THSD7B: variants seen among roughly 807,000 people sequenced by gnomAD.
The protein encoded by THSD7B is thrombospondin type-1 domain-containing protein 7B.
Under a neutral mutation model 213.6 loss-of-function variants are expected in THSD7B, and 138 were observed. The ratio of observed to expected loss-of-function variants is 0.65; its 90% CI spans 0.56 to 0.74. The LOEUF (loss-of-function observed/expected upper bound fraction) is 0.74. Ranked by LOEUF, THSD7B falls within the 30% of genes least tolerant of loss-of-function variation. The probability of loss-of-function intolerance (pLI) is 0.00; values close to 1 mark genes in which losing one functional copy is unlikely to be tolerated. For missense variants in THSD7B, 1,931 were observed against 1,991.5 expected (o/e 0.97, Z 0.58); for synonymous variants, 742 against 687.0 (o/e 1.08, Z -1.25).
At chr2:136,890,347 T>C (rs1219471592) in intron 2 of THSD7B, among the ~76,000 whole-genome samples, 2 of 4,410 alleles carry the variant, frequency 4.5e-4, no homozygotes, top group South Asian at 0.014. Flanking sequence ...CTTCTTCTTC[T>C]TCTTCTTCTT....
chr2:137,391,514 C>T (rs1686026052), intron 12 of THSD7B, among the ~76,000 whole-genome samples: 1 of 151,926 alleles, frequency 6.6e-6, no homozygotes, highest in Non-Finnish European at 1.5e-5. Flanking sequence ...ATAGTGAAGC[C>T]CTCTCTCTAC....
intron 15 of THSD7B, among the ~76,000 whole-genome samples, chr2:137,456,505 C>G (rs1213431779): frequency 2.6e-5 from 4 of 152,130 alleles, no homozygotes; most frequent in African/African-American, 9.7e-5. Flanking sequence ...TCAACCAGCC[C>G]GACTCTCTGA....
chr2:137,558,390 G>A (rs1681031766), intron 15 of THSD7B, among the ~76,000 whole-genome samples: 1 of 152,160 alleles, frequency 6.6e-6, no homozygotes, highest in African/African-American at 2.4e-5. Context: ...TCATCCCTGG[G>A]ATGCAAGGCT....
intron 1 of THSD7B, among the ~76,000 whole-genome samples, chr2:136,853,941 T>C (rs1374122543): frequency 1.3e-5 from 2 of 152,190 alleles, no homozygotes; most frequent in Admixed American, 6.5e-5. Context: ...AGGTACCTCT[T>C]CAAGCTGATT....
At chr2:136,831,117 G>A (rs1682746684) in intron 1 of THSD7B, among the ~76,000 whole-genome samples, 1 of 133,456 alleles carries the variant, frequency 7.5e-6, no homozygotes, top group African/African-American at 2.8e-5. Flanking sequence ...TGGAGTTCTC[G>A]GCCTGTAGAA....
intron 15 of THSD7B, among the ~76,000 whole-genome samples, chr2:137,474,364 A>G (rs573160862): frequency 1.3e-5 from 2 of 152,278 alleles, no homozygotes; most frequent in South Asian, 2.1e-4. Context: ...TTTACTTGTC[A>G]AAGTCCACTC....
intron 5 of THSD7B, among the ~76,000 whole-genome samples, chr2:137,134,616 A>AT (rs926727816): frequency 3.9e-5 from 6 of 152,076 alleles, no homozygotes; most frequent in Admixed American, 3.3e-4. Context: ...GGCTTACATG[A>AT]TTTTGTTTGT....
In THSD7B at chr2:137,070,561, T is replaced by A. The variant is rs182567528; in HGVS notation, c.950+13331T>A. ...TTTTTAAAATTTTTTATTTTTTTTT[T>A]AAATTTTATTATTATTATACTTTAA... On this transcript the variant is annotated intron_variant, in intron 3 of 27. Transcript: ENST00000409968. Among the ~76,000 whole-genome samples, 291 of 150,904 alleles carry A rather than the reference T, an allele frequency of 1.9e-3. 1 individual carries two copies. Among genetic ancestry groups the A allele is most frequent in the African/African-American group, 6.8e-3 (278 of 40,970 alleles).
chr2:137,077,577 T>G (rs1687656670), intron 3 of THSD7B, among the ~76,000 whole-genome samples: 2 of 152,188 alleles, frequency 1.3e-5, no homozygotes. Context: ...TGATGGCCAG[T>G]GATGATGAGC....
At chr2:137,294,444 G>T (rs540660369) in intron 12 of THSD7B, among the ~76,000 whole-genome samples, 1 of 151,776 alleles carries the variant, frequency 6.6e-6, no homozygotes, top group Non-Finnish European at 1.5e-5. Context: ...TTAGCTGGAC[G>T]TGGTGGTGAG....
intron 14 of THSD7B, among the ~76,000 whole-genome samples, chr2:137,440,493 G>T (rs1486994167): frequency 1.3e-5 from 2 of 150,594 alleles, no homozygotes; most frequent in African/African-American, 4.9e-5. Context: ...ATATGAGTAA[G>T]TTTTGGCCTT....
At chr2:136,860,016 A>ATTTTTTTTTTTT (rs3084113) in intron 1 of THSD7B, among the ~76,000 whole-genome samples, 1 of 120,506 alleles carries the variant, frequency 8.3e-6, no homozygotes, top group Non-Finnish European at 1.6e-5. Flanking sequence ...ACAATTCATG[A>ATTTTTTTTTTTT]TTTTTTTTTT....
At chr2:137,496,571 A>G (rs1247840634) in intron 15 of THSD7B, among the ~76,000 whole-genome samples, 2 of 152,182 alleles carry the variant, frequency 1.3e-5, no homozygotes, top group Non-Finnish European at 2.9e-5. Context: ...TATTACCAGT[A>G]TAATTACCAT....
chr2:137,502,844 T>G (rs894438885), intron 15 of THSD7B, among the ~76,000 whole-genome samples: 1 of 152,204 alleles, frequency 6.6e-6, no homozygotes, highest in African/African-American at 2.4e-5. Context: ...TTCAGGTTGA[T>G]GAATTTATAA....
At chr2:137,445,262 T>C (rs1478041421) in intron 14 of THSD7B, among the ~76,000 whole-genome samples, 1 of 152,042 alleles carries the variant, frequency 6.6e-6, no homozygotes, top group Non-Finnish European at 1.5e-5. Flanking sequence ...GCTGGGTATG[T>C]AACCAAAAGA....
chr2:136,933,152 C>CTTCCTTCCTTCT (rs1332526694), intron 2 of THSD7B, among the ~76,000 whole-genome samples: 6 of 92,002 alleles, frequency 6.5e-5, no homozygotes, highest in African/African-American at 1.5e-4. Flanking sequence ...TCCTTCCTTC[C>CTTCCTTCCTTCT]TTCCTTCCTT....
At chr2:137,540,972 A>C (rs978004874) in intron 15 of THSD7B, among the ~76,000 whole-genome samples, 4 of 151,680 alleles carry the variant, frequency 2.6e-5, no homozygotes, top group African/African-American at 9.7e-5. Flanking sequence ...GACTGGGTGG[A>C]AGCAAAAAAT....
chr2:137,348,499 G>A (rs1174751417), intron 12 of THSD7B, among the ~76,000 whole-genome samples: 1 of 151,580 alleles, frequency 6.6e-6, no homozygotes, highest in Non-Finnish European at 1.5e-5. Context: ...TGCCAGAAAT[G>A]TCCTTATGTT....
At chr2:137,484,305 A>G (rs2105110310) in intron 15 of THSD7B, among the ~76,000 whole-genome samples, 1 of 149,602 alleles carries the variant, frequency 6.7e-6, no homozygotes, top group East Asian at 2.0e-4. Context: ...TTTACTGAGA[A>G]TGATGATTTC....
Sources: allele counts gnomAD v4.1 joint callset (sites outside exome capture counted in the v4.1 genomes callset), GRCh38; gene constraint gnomAD v4.1.1; transcripts MANE v1.5; gene names NCBI Gene and HGNC (gene_info 2026-07-23, HGNC 2026-07-21).